QTMAN: variants seen among roughly 807,000 people sequenced by gnomAD.
QTMAN encodes tRNA-queuosine alpha-mannosyltransferase.
the QTMAN span, among the ~76,000 whole-genome samples, chr2:144,039,114 T>G: frequency 6.6e-6 from 1 of 152,120 alleles, no homozygotes; most frequent in Non-Finnish European, 1.5e-5. Context: ...TTCTGCAGGA[T>G]TTTAATAAGC....
the QTMAN span, among the ~76,000 whole-genome samples, chr2:144,241,391 A>C: frequency 6.6e-6 from 1 of 152,206 alleles, no homozygotes; most frequent in African/African-American, 2.4e-5. Context: ...GCAAAATAAA[A>C]GAGTTAGCTA....
chr2:143,993,415 A>AG, the QTMAN span, among the ~76,000 whole-genome samples: 983 of 149,388 alleles, frequency 6.6e-3, 9 homozygotes, highest in African/African-American at 0.02. Flanking sequence ...AAAAAAAAAA[A>AG]GGGGGGGGGA....
At chr2:143,986,419 C>A in the QTMAN span, among the ~76,000 whole-genome samples, 1 of 152,206 alleles carries the variant, frequency 6.6e-6, no homozygotes, top group Non-Finnish European at 1.5e-5. Context: ...ACGCTCCCCT[C>A]AAGGAATCTA....
At chr2:143,991,966 C>G in the QTMAN span, among the ~76,000 whole-genome samples, 1 of 151,206 alleles carries the variant, frequency 6.6e-6, no homozygotes, top group Non-Finnish European at 1.5e-5. Context: ...AGGGGCGCCT[C>G]TGCCCGGCCG....
chr2:144,011,267 A>G, the QTMAN span, among the ~76,000 whole-genome samples: 1 of 152,116 alleles, frequency 6.6e-6, no homozygotes, highest in African/African-American at 2.4e-5. Flanking sequence ...ACTTTGTTAC[A>G]ATAAAGCTAG....
chr2:144,248,376 C>T, the QTMAN span, among the ~76,000 whole-genome samples: 6 of 152,120 alleles, frequency 3.9e-5, no homozygotes, highest in Non-Finnish European at 8.8e-5. Flanking sequence ...TCTCTCTGTG[C>T]TTTTCTGGTT....
the QTMAN span, among the ~76,000 whole-genome samples, chr2:144,104,774 T>C: frequency 2.6e-5 from 4 of 152,196 alleles, no homozygotes; most frequent in Non-Finnish European, 4.4e-5. Context: ...TCTCCAACCA[T>C]GGAGTTTGAG....
the QTMAN span, among the ~76,000 whole-genome samples, chr2:144,102,273 CG>C: frequency 6.6e-6 from 1 of 152,248 alleles, no homozygotes; most frequent in East Asian, 1.9e-4. Context: ...TACCCATCTT[CG>C]TTGTAAGGCT....
the QTMAN span, among the ~76,000 whole-genome samples, chr2:144,232,908 C>T: frequency 6.6e-6 from 1 of 152,058 alleles, no homozygotes; most frequent in Non-Finnish European, 1.5e-5. Context: ...TATAATTTTG[C>T]AAGAATTGGT....
At chr2:144,205,090 A>G in the QTMAN span, among the ~76,000 whole-genome samples, 162 of 152,258 alleles carry the variant, frequency 1.1e-3, no homozygotes, top group African/African-American at 3.8e-3. Context: ...ACATGTATAC[A>G]TATGTAACAA....
chr2:144,007,185 CTG>C, the QTMAN span: 1 of 1,574,216 alleles, frequency 6.4e-7, no homozygotes. Context: ...GACTTACCAC[CTG>C]TGAGGCCAGA....
the QTMAN span, among the ~76,000 whole-genome samples, chr2:144,227,965 C>G: frequency 6.6e-6 from 1 of 152,248 alleles, no homozygotes; most frequent in East Asian, 1.9e-4. Flanking sequence ...GACAGAAGTC[C>G]CTGTGAGTAA....
At chr2:144,085,522 C>T in the QTMAN span, among the ~76,000 whole-genome samples, 1 of 152,180 alleles carries the variant, frequency 6.6e-6, no homozygotes, top group Non-Finnish European at 1.5e-5. Flanking sequence ...GAAGAAGCAG[C>T]ACTTTTGTTC....
the QTMAN span, among the ~76,000 whole-genome samples, chr2:143,961,157 G>C: frequency 6.6e-6 from 1 of 152,096 alleles, no homozygotes. Flanking sequence ...TAACAATTTA[G>C]CCAAGGAGAG....
At chr2:144,331,319 A>G in the QTMAN span, among the ~76,000 whole-genome samples, 1 of 152,192 alleles carries the variant, frequency 6.6e-6, no homozygotes, top group African/African-American at 2.4e-5. Context: ...ATAGAAGCCA[A>G]TAGAATGGCT....
At chr2:144,321,301 C>CTG in the QTMAN span, among the ~76,000 whole-genome samples, 1 of 152,160 alleles carries the variant, frequency 6.6e-6, no homozygotes, top group Non-Finnish European at 1.5e-5. Context: ...AACCCTGTTT[C>CTG]TGTTGTGAGG....
the QTMAN span, among the ~76,000 whole-genome samples, chr2:144,027,332 A>AT: frequency 6.6e-6 from 1 of 152,202 alleles, no homozygotes; most frequent in Admixed American, 6.5e-5. Context: ...CTTGTATATC[A>AT]TATCACCTCA....
chr2:144,280,457 G>GAAAAA, the QTMAN span, among the ~76,000 whole-genome samples: 1 of 152,134 alleles, frequency 6.6e-6, no homozygotes, highest in Non-Finnish European at 1.5e-5. Context: ...TAAACAAAAG[G>GAAAAA]CAGTGCAGGA....
chr2:144,175,194 T>C, the QTMAN span, among the ~76,000 whole-genome samples: 1 of 152,038 alleles, frequency 6.6e-6, no homozygotes, highest in Non-Finnish European at 1.5e-5. Flanking sequence ...TTGATTAAAA[T>C]AAGATGGCAG....
Sources: allele counts gnomAD v4.1 joint callset (sites outside exome capture counted in the v4.1 genomes callset), GRCh38; gene constraint gnomAD v4.1.1; transcripts MANE v1.5; gene names NCBI Gene and HGNC (gene_info 2026-07-23, HGNC 2026-07-21).